Variants in ANKHD1 observed in about 807,000 individuals in gnomAD.
The protein encoded by ANKHD1 is ankyrin repeat and KH domain containing 1, also known as ankyrin repeat and KH domain-containing protein 1.
ANKHD1 carries 31 observed loss-of-function variants against 230.5 expected under a neutral mutation model. The ratio of observed to expected loss-of-function variants is 0.13; its 90% CI spans 0.10 to 0.18. The LOEUF (loss-of-function observed/expected upper bound fraction) is 0.18, where lower values mean the gene tolerates loss of function less well. Among genes scored for constraint, ANKHD1 ranks in the 10% least tolerant of loss-of-function variants. ANKHD1 has a pLI of 1.00. For missense variants in ANKHD1, 2,256 were observed against 3,071.3 expected, an observed-to-expected ratio of 0.73 and a Z score of 6.27; for synonymous variants, 1,074 against 1,117.6, an observed-to-expected ratio of 0.96 and a Z score of 0.78.
At position 140,528,165 on chromosome 5, in the gene ANKHD1, G is replaced by GTTTTT; in HGVS notation, c.5238-12_5238-8dup. The GTTTTT allele has an allele frequency of 8.8e-7, 1 of 1,135,224 alleles. No individual in the cohort carries two copies. Among genetic ancestry groups the GTTTTT allele is most frequent in the Non-Finnish European group, 1.2e-6 (1 of 857,812 alleles). The allele number at this position is 1,135,224 out of a possible 1,614,324, so 70.3% of individuals were successfully genotyped here. ...TTTTAATGTTTTTGGTCTTGTTTCTGTTTTTTTTTTTCCCTTAGGGGTGGC... is the reference window on the plus strand; with the variant it reads ...TTTTAATGTTTTTGGTCTTGTTTCTGTTTTTTTTTTTTTTTTCCCTTAGGGGTGGC... On this transcript the variant is annotated intron_variant, in intron 28 of 33. Coordinates refer to ENST00000360839, the MANE Select transcript of ANKHD1 (RefSeq NM_017747.3).
intron 14 of ANKHD1, among the ~76,000 whole-genome samples, chr5:140,492,714 G>C (rs1385277201): frequency 6.6e-6 from 1 of 152,160 alleles, no homozygotes; most frequent in East Asian, 1.9e-4. Context: ...CAAGGTTTAA[G>C]TTTTATAGAC....
chr5:140,449,619 G>A (rs1179350485), intron 7 of ANKHD1, among the ~76,000 whole-genome samples: 17 of 149,920 alleles, frequency 1.1e-4, no homozygotes, highest in African/African-American at 3.7e-4. Context: ...CAGAGATTGC[G>A]CAACTGCACT....
rs935811008 is a variant in ANKHD1 at position 140,538,141 on chromosome 5, A to G, written c.7284A>G (p.Gln2428=). 3.7e-6 allele frequency: 6 copies of G among 1,614,046 alleles called. No individual in the cohort carries two copies. Among genetic ancestry groups the G allele is most frequent in the Non-Finnish European group, 5.1e-6 (6 of 1,180,024 alleles). The part of the protein sequence containing the change: ...SVMGNHPMHQ[Q]LSDPSTFSQH... The stretch of plus-strand genomic sequence containing the variant: ...TGGGGAACCATCCAATGCATCAACA[A>G]TTATCAGACCCAAGCACATTCTCCC... Residue 2428 remains glutamine (Q), a synonymous_variant, in exon 32 of 34, where the codon CAA becomes CAG. Coordinates refer to ENST00000360839, the MANE Select transcript of ANKHD1 (RefSeq NM_017747.3).
intron 31 of ANKHD1, 98 bp downstream of exon 31, chr5:140,537,687 T>G: frequency 7.0e-7 from 1 of 1,436,110 alleles, no homozygotes; most frequent in South Asian, 1.6e-5. Flanking sequence ...CAAAAAAAAC[T>G]TAGTTCCTAT....
chr5:140,524,152 A>G lies in ANKHD1; in HGVS notation c.4404A>G (p.Lys1468=). The change falls in exon 25 of 34, where the codon AAA becomes AAG. Residue 1468 remains lysine, a synonymous_variant. Coordinates refer to ENST00000360839, the MANE Select transcript of ANKHD1 (RefSeq NM_017747.3). ...GAAAAAAGAAAAAAGAGGAACAGAA[A>G]AGGAAACAGGAAGAAGATGAAGAAA... ...EKRKKKKEEQ[K]RKQEEDEENK... 1 of 1,600,090 alleles carries G rather than the reference A, an allele frequency of 6.2e-7. No homozygotes were observed. The highest frequency in any genetic ancestry group is 8.5e-7 in the Non-Finnish European group (1 of 1,176,154).
chr5:140,486,540 CT>C (rs1291248726), intron 13 of ANKHD1: 2 of 152,800 alleles, frequency 1.3e-5, no homozygotes, highest in Non-Finnish European at 1.5e-5. Flanking sequence ...AATCTAAATT[CT>C]TTTCTACAAA....
At position 140,402,135 on chromosome 5, in the gene ANKHD1, C is replaced by T. The variant is rs748193536; in HGVS notation, c.168C>T (p.Val56=). The T allele has an allele frequency of 1.3e-6, 2 of 1,543,384 alleles. No homozygotes were observed. The highest frequency in any genetic ancestry group is 1.4e-5 in the African/African-American group (1 of 70,822). Residue 56 remains valine (V), a synonymous_variant, in exon 1 of 34, where the codon GTC becomes GTT. Coordinates refer to ENST00000360839, the MANE Select transcript of ANKHD1 (RefSeq NM_017747.3). ...LFGEAGPASG[V]GSSGGGGSGS... ...GGGAGGCCGGGCCAGCGTCGGGAGT[C>T]GGCAGCAGCGGCGGCGGCGGCAGCG...
chr5:140,534,391 C>CA (rs1208990002), intron 29 of ANKHD1, among the ~76,000 whole-genome samples: 1,993 of 84,382 alleles, frequency 0.024, 12 homozygotes, highest in Middle Eastern at 0.076. Context: ...GACTCCGTCT[C>CA]AAAAAAAAAA....
chr5:140,469,539 G>A (rs1379211962), intron 10 of ANKHD1, among the ~76,000 whole-genome samples: 1 of 151,704 alleles, frequency 6.6e-6, no homozygotes, highest in African/African-American at 2.4e-5. Flanking sequence ...AAAACTTACT[G>A]TGCTACAATT....
intron 4 of ANKHD1, 48 bp downstream of exon 4, chr5:140,440,314 T>G: frequency 1.3e-6 from 2 of 1,571,032 alleles, no homozygotes; most frequent in Non-Finnish European, 1.7e-6. Context: ...AGGGTTTTGA[T>G]GTTTTATTTA....
chr5:140,539,568 C>T lies in ANKHD1; in HGVS notation c.*150C>T. On this transcript the variant is annotated 3_prime_UTR_variant, in exon 34 of 34. Coordinates refer to ENST00000360839, the MANE Select transcript of ANKHD1 (RefSeq NM_017747.3). ...CCATTGTATAAGAACAAATTGATTT[C>T]CTATCCACCTGATTATGTTCTCTGG... 1.2e-6 allele frequency: 1 copy of T among 830,446 alleles called. No homozygotes were observed. Among genetic ancestry groups the T allele is most frequent in the Non-Finnish European group, 1.8e-6 (1 of 547,786 alleles). 51.4% of individuals were successfully genotyped at this position (830,446 alleles called of 1,614,324 possible).
At position 140,507,652 on chromosome 5, in the gene ANKHD1, G is replaced by T; in HGVS notation, c.3552-133G>T. 4 of 1,098,996 alleles carry T rather than the reference G, an allele frequency of 3.6e-6. No homozygotes were observed. Among genetic ancestry groups the T allele is most frequent in the Non-Finnish European group, 3.8e-6 (3 of 785,356 alleles). 68.1% of individuals were successfully genotyped at this position (1,098,996 alleles called of 1,614,324 possible). ...TGACATTTTCTTATTCTTTATTATT[G>T]GTCGAAACAAGTAAAATCTATTCAT... On this transcript the variant is annotated intron_variant, in intron 19 of 33. Coordinates refer to ENST00000360839, the MANE Select transcript of ANKHD1 (RefSeq NM_017747.3). This position sits in a 1 kb window ranked among gnomAD's most constrained non-coding sequence, Gnocchi z 4.1.
At chr5:140,434,998 A>G (rs1773327998) in intron 1 of ANKHD1, among the ~76,000 whole-genome samples, 1 of 152,136 alleles carries the variant, frequency 6.6e-6, no homozygotes, top group Admixed American at 6.6e-5. Flanking sequence ...TTGAAATTGG[A>G]GGGTTACATG....
At chr5:140,433,263 G>C (rs891158671) in intron 1 of ANKHD1, among the ~76,000 whole-genome samples, 1 of 151,720 alleles carries the variant, frequency 6.6e-6, no homozygotes. Context: ...ACAGGGTTTC[G>C]CCATGTTGGC....
In ANKHD1 at chr5:140,538,128, C is replaced by G; in HGVS notation, c.7271C>G (p.Pro2424Arg). Reference sequence around the variant, plus strand: ...TCGCAATCTGTGATGGGGAACCATCCAATGCATCAACAATTATCAGACCCA... The same window carrying G: ...TCGCAATCTGTGATGGGGAACCATCGAATGCATCAACAATTATCAGACCCA... ...GWSQSVMGNH[P>R]MHQQLSDPST... Residue 2424 changes from proline to arginine, a missense_variant, in exon 32 of 34, where the codon CCA becomes CGA. Around this residue, in one of 13 missense-constraint regions of ANKHD1, gnomAD observed 778 missense variants for 966.5 expected, o/e 0.80. Coordinates refer to ENST00000360839, the MANE Select transcript of ANKHD1 (RefSeq NM_017747.3). 1 of 1,613,650 alleles carries G rather than the reference C, an allele frequency of 6.2e-7. No individual in the cohort carries two copies. The highest frequency in any genetic ancestry group is 8.5e-7 in the Non-Finnish European group (1 of 1,179,820).
At chr5:140,450,439 CG>C (rs1774636085) in intron 7 of ANKHD1, among the ~76,000 whole-genome samples, 1 of 151,742 alleles carries the variant, frequency 6.6e-6, no homozygotes. Context: ...AAGTGATTCT[CG>C]TGCCTCAGCT....
chr5:140,491,160 A>ATATATTT (rs1282293062), intron 14 of ANKHD1, among the ~76,000 whole-genome samples: 5 of 45,654 alleles, frequency 1.1e-4, no homozygotes, highest in East Asian at 8.2e-4. Flanking sequence ...ATATATATAT[A>ATATATTT]TTTTTTTTTT....
intron 7 of ANKHD1, among the ~76,000 whole-genome samples, chr5:140,455,860 G>T (rs1258424464): frequency 6.6e-6 from 1 of 152,110 alleles, no homozygotes; most frequent in Admixed American, 6.5e-5. Context: ...GGAAGTTCTG[G>T]CCAGGGCAAT....
chr5:140,525,018 C>A, intron 25 of ANKHD1: 1 of 217,124 alleles, frequency 4.6e-6, no homozygotes, highest in South Asian at 5.0e-5. Flanking sequence ...ACTCAGGAGG[C>A]TGAGGCAGGA....
Sources: gnomAD v4.1 joint callset for allele counts (sites outside exome capture counted in the v4.1 genomes callset) on GRCh38, gnomAD v4.1.1 for gene constraint, gnomAD v4.1.1 regional missense constraint, Gnocchi (gnomAD v3.1) non-coding constraint, MANE v1.5 for transcripts, NCBI Gene and HGNC (gene_info 2026-07-23, HGNC 2026-07-21) for gene names.